Variants in RAD51B observed in about 807,000 individuals in gnomAD.
RAD51B encodes RAD51 paralog B.
RAD51B carries 38 observed loss-of-function variants against 42.2 expected under a neutral mutation model. The observed-to-expected ratio is 0.90, with a 90% confidence interval of 0.70 to 1.18. The LOEUF (loss-of-function observed/expected upper bound fraction) is 1.18, where lower values mean the gene tolerates loss of function less well. RAD51B is among the 50% of genes most tolerant of loss of function. The pLI is 0.00. For missense variants in RAD51B, 373 were observed against 400.7 expected (o/e 0.93, Z 0.59); for synonymous variants, 154 against 145.2 (o/e 1.06, Z -0.43).
intron 9 of RAD51B, among the ~76,000 whole-genome samples, chr14:68,458,300 T>C (rs1202250688): frequency 6.6e-6 from 1 of 152,216 alleles, no homozygotes; most frequent in African/African-American, 2.4e-5. Flanking sequence ...GATATGTTTA[T>C]GGGTATTCAC....
intron 8 of RAD51B, among the ~76,000 whole-genome samples, chr14:68,392,928 T>A (rs962302925): frequency 3.3e-5 from 5 of 152,138 alleles, no homozygotes; most frequent in African/African-American, 7.2e-5. Context: ...ACATAGGACA[T>A]GTGTGTGTTT....
chr14:67,864,846 C>T (rs528262406), intron 4 of RAD51B, 157 bp from the exon 5 acceptor site: 4 of 1,183,702 alleles, frequency 3.4e-6, no homozygotes, highest in Non-Finnish European at 3.6e-6. Flanking sequence ...TCATTCCATA[C>T]AATGGATGTC....
At chr14:67,838,709 G>A (rs1264940457) in intron 4 of RAD51B, among the ~76,000 whole-genome samples, 3 of 151,796 alleles carry the variant, frequency 2.0e-5, no homozygotes, top group Non-Finnish European at 4.4e-5. Flanking sequence ...GCCTCCCAAC[G>A]TGTTGGGATT....
chr14:68,457,623 G>A (rs1243348028), intron 9 of RAD51B, among the ~76,000 whole-genome samples: 2 of 151,312 alleles, frequency 1.3e-5, no homozygotes, highest in African/African-American at 4.9e-5. Flanking sequence ...TTTTTGAGAC[G>A]GAGTCTAGCT....
At chr14:68,367,044 C>G (rs1204172845) in intron 8 of RAD51B, among the ~76,000 whole-genome samples, 2 of 152,218 alleles carry the variant, frequency 1.3e-5, no homozygotes, top group Non-Finnish European at 2.9e-5. Flanking sequence ...ATTTCACTCT[C>G]AGGAGCTTTA....
chr14:68,069,906 A>T (rs559764489), intron 7 of RAD51B, among the ~76,000 whole-genome samples: 1 of 152,322 alleles, frequency 6.6e-6, no homozygotes, highest in South Asian at 2.1e-4. Flanking sequence ...TCTCACCAGC[A>T]GTGTACAAGC....
chr14:68,174,270 C>G (rs2078924080), intron 7 of RAD51B, among the ~76,000 whole-genome samples: 1 of 151,644 alleles, frequency 6.6e-6, no homozygotes, highest in South Asian at 2.1e-4. Context: ...CCTATAGTGC[C>G]AGCTACTCAG....
intron 1 of RAD51B, among the ~76,000 whole-genome samples, chr14:67,823,121 T>C (rs2040691298): frequency 1.3e-5 from 2 of 152,242 alleles, no homozygotes; most frequent in South Asian, 4.1e-4. Context: ...TACAGTGCAA[T>C]GTAAATTGTT....
At chr14:68,648,109 AC>A (rs1892613975) in intron 10 of RAD51B, among the ~76,000 whole-genome samples, 1 of 15,782 alleles carries the variant, frequency 6.3e-5, no homozygotes, top group Non-Finnish European at 1.4e-4. Context: ...ATATATACAC[AC>A]ACGTATATAT....
At chr14:68,339,615 TTGA>T (rs1282765971) in intron 8 of RAD51B, 1 of 230,298 alleles carries the variant, frequency 4.3e-6, no homozygotes, top group Non-Finnish European at 8.3e-6. Context: ...TTCAGTTTTA[TTGA>T]TGATATTTTC....
chr14:68,677,420 T>C (rs546130785), intron 11 of RAD51B, among the ~76,000 whole-genome samples: 1 of 152,334 alleles, frequency 6.6e-6, no homozygotes, highest in Admixed American at 6.5e-5. Flanking sequence ...CCCTCCAGTA[T>C]GTAGTGTCTC....
intron 10 of RAD51B, among the ~76,000 whole-genome samples, chr14:68,561,775 T>G (rs1889162071): frequency 6.6e-6 from 1 of 152,232 alleles, no homozygotes; most frequent in African/African-American, 2.4e-5. Flanking sequence ...CTCCTTCAGC[T>G]TTGTCCTCAA....
chr14:68,014,151 C>T (rs1681400112), intron 7 of RAD51B, among the ~76,000 whole-genome samples: 1 of 150,584 alleles, frequency 6.6e-6, no homozygotes, highest in African/African-American at 2.4e-5. Context: ...GATATTTTAT[C>T]AGGGACAAAG....
At chr14:68,347,538 G>A (rs2082699301) in intron 8 of RAD51B, among the ~76,000 whole-genome samples, 1 of 152,188 alleles carries the variant, frequency 6.6e-6, no homozygotes, top group African/African-American at 2.4e-5. Flanking sequence ...ATATATATTA[G>A]CCAGGCATGG....
At chr14:68,414,199 T>G (rs1429721753) in intron 9 of RAD51B, among the ~76,000 whole-genome samples, 2 of 152,228 alleles carry the variant, frequency 1.3e-5, no homozygotes, top group Non-Finnish European at 2.9e-5. Context: ...CTGGAAACTT[T>G]GCAAAATTTT....
Position 68,136,870 on chromosome 14 carries a change from G to A in RAD51B, c.757-155014G>A, listed in dbSNP as rs145099558. ...GCTATGCTCTTAACCACTATACAAT[G>A]GTCCCATATTGTAGTTAATCAGGTA... On this transcript the variant is annotated intron_variant, in intron 7 of 10. Coordinates refer to ENST00000471583, the MANE Select transcript of RAD51B (RefSeq NM_133510.4). 3.0e-3 allele frequency among the ~76,000 whole-genome samples: 202 copies of A among 68,276 alleles called. 49 individuals carry two copies. The highest frequency in any genetic ancestry group is 6.1e-3 in the African/African-American group (198 of 32,486). 44.8% of individuals were successfully genotyped at this position (68,276 alleles called of 152,430 possible).
At chr14:68,653,458 A>G (rs1892744369) in intron 11 of RAD51B, among the ~76,000 whole-genome samples, 1 of 152,216 alleles carries the variant, frequency 6.6e-6, no homozygotes, top group Non-Finnish European at 1.5e-5. Context: ...GCCTCAAGAG[A>G]TACACAGACT....
intron 7 of RAD51B, among the ~76,000 whole-genome samples, chr14:68,139,592 G>T (rs940588292): frequency 3.9e-5 from 6 of 152,198 alleles, no homozygotes; most frequent in Admixed American, 3.3e-4. Flanking sequence ...TGTGGGGCAT[G>T]GGAGCACTCC....
At chr14:68,625,598 G>A (rs912335839) in intron 10 of RAD51B, among the ~76,000 whole-genome samples, 8 of 152,202 alleles carry the variant, frequency 5.3e-5, no homozygotes, top group South Asian at 4.2e-4. Flanking sequence ...TTGGCCTCCC[G>A]AGTAGCTGGG....
Sources: gnomAD v4.1 joint callset for allele counts (sites outside exome capture counted in the v4.1 genomes callset) on GRCh38, gnomAD v4.1.1 for gene constraint, MANE v1.5 for transcripts, NCBI Gene and HGNC (gene_info 2026-07-23, HGNC 2026-07-21) for gene names.